The following ASTN2 variants were observed in gnomAD, a reference collection of about 807,000 sequenced individuals.
The protein encoded by ASTN2 is astrotactin-2.
Under a neutral mutation model 139.8 loss-of-function variants are expected in ASTN2, and 54 were observed. That is an observed-to-expected ratio of 0.39 (90% confidence interval 0.31 to 0.48). The LOEUF is 0.48. Among genes scored for constraint, ASTN2 ranks in the 20% least tolerant of loss-of-function variants. ASTN2 has a pLI of 0.95. For synonymous variants in ASTN2, 756 were observed against 719.5 expected, an observed-to-expected ratio of 1.05 and a Z score of -0.81; for missense variants, 1,565 against 1,725.1, an observed-to-expected ratio of 0.91 and a Z score of 1.64.
intron 5 of ASTN2, among the ~76,000 whole-genome samples, chr9:117,044,144 CTCA>C (rs1378370822): frequency 6.6e-6 from 1 of 152,072 alleles, no homozygotes; most frequent in African/African-American, 2.4e-5. Flanking sequence ...TGGTGTTTGT[CTCA>C]TCATTGATGA....
intron 13 of ASTN2, among the ~76,000 whole-genome samples, chr9:116,800,906 A>G (rs1235142169): frequency 6.6e-6 from 1 of 152,200 alleles, no homozygotes; most frequent in African/African-American, 2.4e-5. Flanking sequence ...GCTCTTTCAG[A>G]GATTCAAGAG....
At chr9:116,453,007 A>C (rs2118928478) in intron 20 of ASTN2, among the ~76,000 whole-genome samples, 1 of 152,318 alleles carries the variant, frequency 6.6e-6, no homozygotes, top group South Asian at 2.1e-4. Flanking sequence ...GAGGCCAAGC[A>C]GAGGCCACCA....
chr9:117,304,604 C>T (rs1163710436), intron 1 of ASTN2, among the ~76,000 whole-genome samples: 1 of 152,180 alleles, frequency 6.6e-6, no homozygotes, highest in Non-Finnish European at 1.5e-5. Context: ...TATTGATTGG[C>T]TTCAACAGTA....
chr9:117,262,687 G>T (rs962994441), intron 2 of ASTN2, among the ~76,000 whole-genome samples: 1 of 152,140 alleles, frequency 6.6e-6, no homozygotes, highest in Admixed American at 6.5e-5. Flanking sequence ...AATATGATAG[G>T]TTACACGGTG....
chr9:117,337,530 A>T (rs1828925493), intron 1 of ASTN2, among the ~76,000 whole-genome samples: 1 of 152,218 alleles, frequency 6.6e-6, no homozygotes, highest in Non-Finnish European at 1.5e-5. Flanking sequence ...CCGTTAAGTA[A>T]TAACACTATG....
intron 4 of ASTN2, among the ~76,000 whole-genome samples, chr9:117,106,631 T>C (rs950796721): frequency 2.0e-5 from 3 of 152,078 alleles, no homozygotes; most frequent in Non-Finnish European, 2.9e-5. Context: ...AAGAAGAAAA[T>C]AATAATCAAG....
In ASTN2 at chr9:117,115,808, G is replaced by A. The variant is rs541720784; in HGVS notation, c.1169-19657C>T. Among the ~76,000 whole-genome samples, 5 of 152,064 alleles carry A rather than the reference G, an allele frequency of 3.3e-5. No individual in the cohort carries two copies. In the East Asian group the frequency reaches 5.9e-4, roughly 18 times the overall value. On this transcript the variant is annotated intron_variant, in intron 4 of 22. Coordinates refer to ENST00000313400, the MANE Select transcript of ASTN2 (RefSeq NM_001365068.1). ...TGGGAGGCCAAGGCAGGAGGATCAC[G>A]AAGTCAGGAGATCGAAACTATCCTG...
chr9:117,069,010 G>C (rs369160612), intron 5 of ASTN2, among the ~76,000 whole-genome samples: 2 of 99,754 alleles, frequency 2.0e-5, no homozygotes, highest in African/African-American at 3.7e-5. Flanking sequence ...CTATTTCCTT[G>C]AGTTCTGCTC....
intron 1 of ASTN2, among the ~76,000 whole-genome samples, chr9:117,320,494 C>T (rs7866774): frequency 0.42 from 64,446 of 151,958 alleles, 14,186 homozygotes; most frequent in African/African-American, 0.52. Context: ...GTAAGGATTA[C>T]TATACTGTCA....
chr9:116,690,746 A>G (rs1447230433), intron 16 of ASTN2, among the ~76,000 whole-genome samples: 1 of 152,170 alleles, frequency 6.6e-6, no homozygotes, highest in Admixed American at 6.5e-5. Context: ...TGGACAGGCT[A>G]CTTTCTCTGA....
At chr9:116,565,796 C>CTTTT (rs1043018614) in intron 19 of ASTN2, among the ~76,000 whole-genome samples, 2 of 151,920 alleles carry the variant, frequency 1.3e-5, no homozygotes, top group African/African-American at 4.8e-5. Context: ...ATCCTATTTT[C>CTTTT]TTTTTTTAAA....
chr9:117,140,961 C>T lies in ASTN2; in HGVS notation c.1168+365G>A, dbSNP rs116764799. ...CAGACCCCTGTTTCTGGCTCCCAGA[C>T]TGAGGATGTCTCCTACTAGAATGTT... On this transcript the variant is annotated intron_variant, in intron 4 of 22. Transcript: ENST00000313400. Among the ~76,000 whole-genome samples the T allele has an allele frequency of 5.6e-3, 846 of 152,306 alleles. 8 individuals are homozygous for T. The highest frequency in any genetic ancestry group is 0.019 in the African/African-American group (805 of 41,558).
chr9:117,164,039 A>G (rs1231107069), intron 3 of ASTN2, among the ~76,000 whole-genome samples: 2 of 152,070 alleles, frequency 1.3e-5, no homozygotes, highest in African/African-American at 4.8e-5. Flanking sequence ...CAAAGCACTG[A>G]TCTTTTTGAG....
intron 6 of ASTN2, among the ~76,000 whole-genome samples, chr9:117,025,874 C>T (rs1299918849): frequency 6.6e-6 from 1 of 151,616 alleles, no homozygotes. Flanking sequence ...TCACTGCACC[C>T]TCCACCTCCC....
intron 20 of ASTN2, among the ~76,000 whole-genome samples, chr9:116,453,875 A>G (rs890867863): frequency 6.6e-6 from 1 of 152,194 alleles, no homozygotes; most frequent in African/African-American, 2.4e-5. Context: ...CAGTTACCCC[A>G]TGACAGCAAT....
intron 4 of ASTN2, among the ~76,000 whole-genome samples, chr9:117,139,678 A>C (rs1830028624): frequency 6.6e-6 from 1 of 152,216 alleles, no homozygotes; most frequent in Admixed American, 6.5e-5. Context: ...GTAAAATAAT[A>C]AGACAATCCC....
intron 10 of ASTN2, among the ~76,000 whole-genome samples, chr9:116,944,609 G>A (rs1198223410): frequency 6.6e-6 from 1 of 151,018 alleles, no homozygotes; most frequent in African/African-American, 2.4e-5. Flanking sequence ...TTGAACCCAG[G>A]GGACGGATGC....
intron 19 of ASTN2, among the ~76,000 whole-genome samples, chr9:116,575,647 A>G (rs1026114232): frequency 6.6e-6 from 1 of 152,208 alleles, no homozygotes; most frequent in Non-Finnish European, 1.5e-5. Context: ...TTGTTCATAT[A>G]GAAAAGGCAC....
At chr9:116,970,540 G>T (rs1046282641) in intron 10 of ASTN2, among the ~76,000 whole-genome samples, 2 of 151,926 alleles carry the variant, frequency 1.3e-5, no homozygotes, top group African/African-American at 4.8e-5. Context: ...GACATTTTTT[G>T]TTTGCAATTT....
Sources: allele counts gnomAD v4.1 joint callset (sites outside exome capture counted in the v4.1 genomes callset), GRCh38; gene constraint gnomAD v4.1.1; transcripts MANE v1.5; gene names NCBI Gene and HGNC (gene_info 2026-07-23, HGNC 2026-07-21).